Variants in THEMIS observed in about 807,000 individuals in gnomAD.
The protein encoded by THEMIS is protein THEMIS.
THEMIS carries 37 observed loss-of-function variants against 52.6 expected under a neutral mutation model. The ratio of observed to expected loss-of-function variants is 0.70; its 90% CI spans 0.54 to 0.93. THEMIS has a LOEUF of 0.93. Ranked by LOEUF, THEMIS falls within the 40% of genes least tolerant of loss-of-function variation. The probability of loss-of-function intolerance (pLI) is 0.00; values close to 1 mark genes in which losing one functional copy is unlikely to be tolerated. For missense variants in THEMIS, 808 were observed against 763.1 expected, an observed-to-expected ratio of 1.06 and a Z score of -0.69; for synonymous variants, 292 against 272.7, an observed-to-expected ratio of 1.07 and a Z score of -0.70.
At position 127,829,498 on chromosome 6, in the gene THEMIS, A is replaced by G; in HGVS notation, c.687T>C (p.Tyr229=). ...FYGTLILKPV[Y]EIQGVMKFRK... ...CACATTTCATCACACCTTGAATTTC[A>G]TAAACAGGCTTGAGAATCAGGGTAC... Residue 229 remains tyrosine, a synonymous_variant, in exon 3 of 6, where the codon TAT becomes TAC. Transcript: ENST00000368248. 6.2e-7 allele frequency: 1 copy of G among 1,606,998 alleles called. No homozygotes were observed. Among genetic ancestry groups the G allele is most frequent in the Non-Finnish European group, 8.5e-7 (1 of 1,177,062 alleles).
At chr6:127,860,332 A>G (rs1779754731) in intron 1 of THEMIS, among the ~76,000 whole-genome samples, 1 of 152,194 alleles carries the variant, frequency 6.6e-6, no homozygotes, top group African/African-American at 2.4e-5. Context: ...GACACTAGAT[A>G]TAGCACTAAA....
chr6:127,727,924 T>C (rs936433213), intron 4 of THEMIS, among the ~76,000 whole-genome samples: 59 of 152,184 alleles, frequency 3.9e-4, no homozygotes, highest in African/African-American at 1.3e-3. Flanking sequence ...ATTCACAAGC[T>C]CTATTTCTGA....
At chr6:127,754,679 T>A (rs1411163179) in intron 4 of THEMIS, among the ~76,000 whole-genome samples, 1 of 151,994 alleles carries the variant, frequency 6.6e-6, no homozygotes, top group Non-Finnish European at 1.5e-5. Context: ...CTTAAATTAA[T>A]GAGAAAATAA....
chr6:127,735,786 CCT>C (rs1255430447), intron 4 of THEMIS, among the ~76,000 whole-genome samples: 1 of 152,082 alleles, frequency 6.6e-6, no homozygotes, highest in Non-Finnish European at 1.5e-5. Flanking sequence ...CTCTGTGCCA[CCT>C]GCTACAAGAT....
At chr6:127,778,431 T>C (rs530031310) in intron 4 of THEMIS, among the ~76,000 whole-genome samples, 26 of 152,296 alleles carry the variant, frequency 1.7e-4, no homozygotes, top group African/African-American at 6.0e-4. Flanking sequence ...GTAGACAACA[T>C]GTAGTTGGGT....
At chr6:127,740,921 T>A (rs1483097494) in intron 4 of THEMIS, among the ~76,000 whole-genome samples, 1 of 152,224 alleles carries the variant, frequency 6.6e-6, no homozygotes, top group Non-Finnish European at 1.5e-5. Context: ...TTTGCTCTTG[T>A]AATAATGTTT....
chr6:127,788,943 G>A (rs1052254132), intron 4 of THEMIS, among the ~76,000 whole-genome samples: 26 of 152,112 alleles, frequency 1.7e-4, no homozygotes, highest in African/African-American at 5.8e-4. Flanking sequence ...ATGTAAAATC[G>A]ACACCGTAAC....
chr6:127,811,010 T>C (rs1777887454), intron 4 of THEMIS, among the ~76,000 whole-genome samples: 1 of 152,078 alleles, frequency 6.6e-6, no homozygotes, highest in Non-Finnish European at 1.5e-5. Flanking sequence ...GCTCTATGGG[T>C]ACATGTGCTA....
intron 4 of THEMIS, among the ~76,000 whole-genome samples, chr6:127,812,251 G>A (rs1353710386): frequency 6.6e-6 from 1 of 152,138 alleles, no homozygotes; most frequent in African/African-American, 2.4e-5. Context: ...TCTTTAGAGT[G>A]GTTATGGAGT....
At chr6:127,874,894 A>G (rs1476143677) in intron 1 of THEMIS, among the ~76,000 whole-genome samples, 1 of 152,240 alleles carries the variant, frequency 6.6e-6, no homozygotes, top group Non-Finnish European at 1.5e-5. Context: ...CCCCTGGGCC[A>G]CAGACTGGTG....
intron 4 of THEMIS, among the ~76,000 whole-genome samples, chr6:127,808,162 G>A (rs574348071): frequency 1.3e-5 from 2 of 152,264 alleles, no homozygotes; most frequent in East Asian, 3.9e-4. Flanking sequence ...AAGATTTCTG[G>A]TCCCAGCTGC....
At chr6:127,824,257 T>C (rs956166158) in intron 3 of THEMIS, among the ~76,000 whole-genome samples, 2 of 151,984 alleles carry the variant, frequency 1.3e-5, no homozygotes, top group African/African-American at 4.8e-5. Context: ...GAACTGAAAG[T>C]GAAGGAGTTA....
chr6:127,735,318 C>CGTGT (rs147119256), intron 4 of THEMIS, among the ~76,000 whole-genome samples: 2 of 140,870 alleles, frequency 1.4e-5, no homozygotes, highest in African/African-American at 2.6e-5. Flanking sequence ...GGCGTGTGTG[C>CGTGT]GTGTGTGTGT....
intron 1 of THEMIS, among the ~76,000 whole-genome samples, chr6:127,899,821 A>C (rs1208191381): frequency 6.6e-6 from 1 of 150,844 alleles, no homozygotes; most frequent in Non-Finnish European, 1.5e-5. Flanking sequence ...AAATCAACTT[A>C]CAAATTAGTT....
chr6:127,901,195 TG>T, upstream of THEMIS: 1 of 510,680 alleles, frequency 2.0e-6, no homozygotes, highest in East Asian at 3.3e-5. Flanking sequence ...TTGAACAGGA[TG>T]GGGGTGGGGT....
intron 1 of THEMIS, among the ~76,000 whole-genome samples, chr6:127,868,248 TTACATGA>T (rs1339917384): frequency 6.6e-6 from 1 of 152,174 alleles, no homozygotes; most frequent in Non-Finnish European, 1.5e-5. Flanking sequence ...CATTATTATT[TTACATGA>T]TGTTTAAGAC....
At chr6:127,765,960 T>G (rs1776184179) in intron 4 of THEMIS, among the ~76,000 whole-genome samples, 2 of 152,224 alleles carry the variant, frequency 1.3e-5, no homozygotes, top group South Asian at 4.1e-4. Context: ...GGAAAAAATG[T>G]TCAATTATTC....
chr6:127,722,975 C>T (rs1400950904), intron 4 of THEMIS, among the ~76,000 whole-genome samples: 1 of 151,872 alleles, frequency 6.6e-6, no homozygotes, highest in Non-Finnish European at 1.5e-5. Context: ...GCTTTCAGTC[C>T]CAAGATCACA....
intron 2 of THEMIS, among the ~76,000 whole-genome samples, chr6:127,851,747 G>A (rs1270056692): frequency 1.3e-5 from 2 of 151,696 alleles, no homozygotes; most frequent in African/African-American, 4.8e-5. Flanking sequence ...TTTTGGGAAT[G>A]CAAAATTGTA....
Sources: gnomAD v4.1 joint callset for allele counts (sites outside exome capture counted in the v4.1 genomes callset) on GRCh38, gnomAD v4.1.1 for gene constraint, MANE v1.5 for transcripts, NCBI Gene and HGNC (gene_info 2026-07-23, HGNC 2026-07-21) for gene names.